The following GAPVD1 variants were observed in gnomAD, a reference collection of about 807,000 sequenced individuals.
GAPVD1 encodes GTPase-activating protein and VPS9 domain-containing protein 1.
GAPVD1 carries 35 observed loss-of-function variants against 155.5 expected under a neutral mutation model. The ratio of observed to expected loss-of-function variants is 0.23; its 90% CI spans 0.17 to 0.30. The LOEUF (loss-of-function observed/expected upper bound fraction) is 0.30. Ranked by LOEUF, GAPVD1 falls within the 10% of genes least tolerant of loss-of-function variation. GAPVD1 has a pLI of 1.00. For missense variants in GAPVD1, 1,429 were observed against 1,775.7 expected (o/e 0.80, Z 3.51); for synonymous variants, 636 against 619.7 (o/e 1.03, Z -0.39).
chr9:125,295,885 T>G (rs1839770606), intron 3 of GAPVD1, among the ~76,000 whole-genome samples: 1 of 152,170 alleles, frequency 6.6e-6, no homozygotes, highest in Admixed American at 6.6e-5. Context: ...GTGAGCTCCT[T>G]GAGATTAGGC....
Position 125,312,476 on chromosome 9 carries a change from A to G in GAPVD1, c.1466A>G (p.Asn489Ser), listed in dbSNP as rs749903182. Reference sequence around the variant, plus strand: ...GCAACTCGGAGCAGAAGCCGCACCAATATGCTAATGGACCTACATATGGAC... The same window carrying G: ...GCAACTCGGAGCAGAAGCCGCACCAGTATGCTAATGGACCTACATATGGAC... ...PIATRSRSRT[N>S]MLMDLHMDHE... is the part of the protein sequence containing the mutation. Residue 489 changes from asparagine to serine, a missense_variant, in exon 9 of 28, where the codon AAT (asparagine) becomes AGT (serine). Physicochemically the swap from Asn to Ser is conservative, Grantham distance 46. This residue lies in a region of GAPVD1 where 628 missense variants were observed against 733.4 expected (regional missense o/e 0.86). Transcript: ENST00000297933. 1.9e-5 allele frequency: 31 copies of G among 1,593,740 alleles called. No individual in the cohort carries two copies. Among genetic ancestry groups the G allele is most frequent in the East Asian group, 4.5e-5 (2 of 44,606 alleles).
At chr9:125,298,838 A>G in intron 3 of GAPVD1, 52 bp from the exon 4 acceptor site, 1 of 776,602 alleles carries the variant, frequency 1.3e-6, no homozygotes. Flanking sequence ...GATTTTAGAA[A>G]AGAACTTAAG....
At position 125,307,819 on chromosome 9, in the gene GAPVD1, C is replaced by T; in HGVS notation, c.1380C>T (p.Tyr460=). ...GTAGCAGTTTAGAAATGACTCCCTA[C>T]AATACACCTCAGCTATCTCCAGCAA... The part of the protein sequence containing the change: ...GKSSSLEMTP[Y]NTPQLSPATT... Residue 460 remains tyrosine, a synonymous_variant, in exon 8 of 28, where the codon TAC becomes TAT. Coordinates refer to ENST00000297933, the MANE Select transcript of GAPVD1 (RefSeq NM_001282680.3). 6.2e-7 allele frequency: 1 copy of T among 1,613,372 alleles called. No homozygotes were observed. Among genetic ancestry groups the T allele is most frequent in the Non-Finnish European group, 8.5e-7 (1 of 1,179,326 alleles).
At chr9:125,352,247 G>A (rs775052060) in intron 23 of GAPVD1, among the ~76,000 whole-genome samples, 4 of 152,224 alleles carry the variant, frequency 2.6e-5, no homozygotes, top group South Asian at 4.1e-4. Context: ...GGGACTCTTT[G>A]TGGGGGCTCC....
At chr9:125,331,842 CTTTG>C (rs1429332458) in intron 13 of GAPVD1, 80 bp from the exon 14 acceptor site, 5 of 1,258,458 alleles carry the variant, frequency 4.0e-6, no homozygotes, top group Admixed American at 3.4e-5. Context: ...GCCCTGGTAG[CTTTG>C]TTTATCTGGG....
Position 125,305,105 on chromosome 9 carries a change from G to A in GAPVD1, c.1072G>A (p.Glu358Lys). Residue 358 changes from glutamate (E) to lysine (K), a missense_variant, in exon 6 of 28, where the codon GAG becomes AAG. Transcript: ENST00000297933. ...LQQLAMTGSE[E>K]GDPRTKSSLG... Reference sequence around the variant, plus strand: ...GCAGTTAGCAATGACTGGCTCTGAAGAGGGAGATCCCCGAACAAAGAGCAG... The same window carrying A: ...GCAGTTAGCAATGACTGGCTCTGAAAAGGGAGATCCCCGAACAAAGAGCAG... The A allele has an allele frequency of 1.2e-6, 2 of 1,614,058 alleles. No homozygotes were observed. The highest frequency in any genetic ancestry group is 1.7e-6 in the Non-Finnish European group (2 of 1,179,924).
chr9:125,360,788 T>C (rs547944711), intron 27 of GAPVD1, 63 bp downstream of exon 27: 3 of 1,192,012 alleles, frequency 2.5e-6, no homozygotes, highest in East Asian at 2.3e-5. Context: ...GGCACAGGGC[T>C]TCACACAACC....
chr9:125,318,324 T>A (rs1843749428), intron 9 of GAPVD1, among the ~76,000 whole-genome samples: 1 of 152,222 alleles, frequency 6.6e-6, no homozygotes, highest in Non-Finnish European at 1.5e-5. Flanking sequence ...GGTTTTAGTT[T>A]AATCCAGAGT....
At chr9:125,343,937 T>C (rs1341245387) in intron 19 of GAPVD1, among the ~76,000 whole-genome samples, 1 of 152,238 alleles carries the variant, frequency 6.6e-6, no homozygotes, top group Non-Finnish European at 1.5e-5. Context: ...ATTATTATTA[T>C]GGTTTGTTTG....
chr9:125,323,976 C>T, intron 11 of GAPVD1, 53 bp downstream of exon 11: 1 of 1,525,276 alleles, frequency 6.6e-7, no homozygotes, highest in Non-Finnish European at 9.0e-7. Flanking sequence ...TACCTGATTG[C>T]AAGATGAGCA....
chr9:125,327,810 A>G (rs1406428986), intron 12 of GAPVD1, among the ~76,000 whole-genome samples: 1 of 152,140 alleles, frequency 6.6e-6, no homozygotes, highest in Non-Finnish European at 1.5e-5. Flanking sequence ...GGCCTAAATC[A>G]TGGAACATTT....
chr9:125,278,393 T>C (rs1836167431), intron 2 of GAPVD1, among the ~76,000 whole-genome samples: 1 of 151,948 alleles, frequency 6.6e-6, no homozygotes, highest in South Asian at 2.1e-4. Flanking sequence ...TGGTAGTGGG[T>C]GCTGGTAATC....
chr9:125,331,550 A>G (rs1846081856), intron 13 of GAPVD1, among the ~76,000 whole-genome samples: 1 of 152,202 alleles, frequency 6.6e-6, no homozygotes, highest in African/African-American at 2.4e-5. Flanking sequence ...TTTGAAGACC[A>G]GTTGGGGACA....
chr9:125,307,452 C>T lies in GAPVD1; in HGVS notation c.1156C>T (p.Arg386Cys), dbSNP rs752861994. Residue 386 changes from arginine to cysteine, a missense_variant, in exon 7 of 28, where the codon CGT becomes TGT. Arg to Cys is a radical substitution (Grantham distance 180). Around this residue, in one of 4 missense-constraint regions of GAPVD1, gnomAD observed 628 missense variants for 733.4 expected, o/e 0.86. Transcript: ENST00000297933. Reference sequence around the variant, plus strand: ...TTTCCTTGATGTTGTGATTGGGGGCCGTGCAGTGGAGACCCCTCCATTGTC... The same window carrying T: ...TTTCCTTGATGTTGTGATTGGGGGCTGTGCAGTGGAGACCCCTCCATTGTC... ...AAFLDVVIGG[R>C]AVETPPLSSV... 6.2e-6 allele frequency: 10 copies of T among 1,610,004 alleles called. No homozygotes were observed. The East Asian group carries it at 1.3e-4, about 22-fold the overall frequency.
chr9:125,263,892 T>C, intron 1 of GAPVD1: 1 of 1,426,648 alleles, frequency 7.0e-7, no homozygotes, highest in Non-Finnish European at 9.9e-7. Context: ...CCCTCATTGG[T>C]AAGGTACCAG....
intron 9 of GAPVD1, among the ~76,000 whole-genome samples, chr9:125,313,485 A>G (rs1842954911): frequency 6.6e-6 from 1 of 151,474 alleles, no homozygotes. Flanking sequence ...TTGTATTTTC[A>G]GTAGAGAAGG....
intron 25 of GAPVD1, 130 bp downstream of exon 25, chr9:125,355,987 C>G (rs1397406055): frequency 1.6e-6 from 1 of 637,302 alleles, no homozygotes; most frequent in Non-Finnish European, 2.9e-6. Context: ...TACCATTTTT[C>G]ACCTGTCAGA....
At chr9:125,286,641 G>T (rs569036419) in intron 2 of GAPVD1, among the ~76,000 whole-genome samples, 2 of 152,252 alleles carry the variant, frequency 1.3e-5, no homozygotes, top group East Asian at 3.9e-4. Context: ...TATTAGCAAA[G>T]ATAAAATATT....
rs528307339 is a variant in GAPVD1 at position 125,333,302 on chromosome 9, G to A, written c.2428+673G>A. On this transcript the variant is annotated intron_variant, in intron 15 of 27. Transcript: ENST00000297933. ...TCATCACATTGGCCAGGCTGGTCTC[G>A]AACTCCTGACCTCGTGATCCACCTG... Among the ~76,000 whole-genome samples, 21 of 151,750 alleles carry A rather than the reference G, an allele frequency of 1.4e-4. No homozygotes were observed. In the South Asian group the frequency reaches 2.5e-3, roughly 18 times the overall value.
Sources: allele counts gnomAD v4.1 joint callset (sites outside exome capture counted in the v4.1 genomes callset), GRCh38; gene constraint gnomAD v4.1.1; regional missense constraint gnomAD v4.1.1; transcripts MANE v1.5; gene names NCBI Gene and HGNC (gene_info 2026-07-23, HGNC 2026-07-21).